Variants in NCAN observed in about 807,000 individuals in gnomAD.
NCAN encodes neurocan, also known as neurocan core protein.
In NCAN, 47 loss-of-function variants were observed where a neutral mutation model predicts 121.8. The observed-to-expected ratio is 0.39, with a 90% CI of 0.31 to 0.49. NCAN has a LOEUF of 0.49. NCAN is among the 20% of genes least tolerant of loss of function. NCAN has a pLI of 0.92. For missense variants in NCAN, 1,517 were observed against 1,773.4 expected (o/e 0.86, Z 2.60); for synonymous variants, 633 against 702.0 (o/e 0.90, Z 1.55).
chr19:19,239,246 C>A (rs943259745), intron 11 of NCAN, among the ~76,000 whole-genome samples: 2 of 151,988 alleles, frequency 1.3e-5, no homozygotes, highest in Non-Finnish European at 2.9e-5. Flanking sequence ...CCATGCCTCA[C>A]CCCCCTAAAA....
rs1029907794 is a variant in NCAN, at chr19:19,219,199, C to T, written c.358C>T (p.Arg120Ter). ...GTCACTGCCTTCCTACCCCCGGCGC[C>T]GAGCCAACGCCACGCTACTTCTGGG... The part of the protein sequence containing the change: ...RVSLPSYPRR[R>*]ANATLLLGPL... The change falls in exon 3 of 15, where the codon CGA becomes TGA. Residue 120 changes from arginine (R) to a stop codon, truncating the protein, a stop_gained. Transcript: ENST00000252575. LOFTEE classifies it high-confidence loss of function. The T allele has an allele frequency of 1.2e-6, 2 of 1,611,006 alleles. No individual in the cohort carries two copies. The highest frequency in any genetic ancestry group is 8.5e-7 in the Non-Finnish European group (1 of 1,179,932).
rs1467561766 is a variant in NCAN, at chr19:19,226,842, C to T, written c.1429C>T (p.Pro477Ser). 5 of 1,613,074 alleles carry T rather than the reference C, an allele frequency of 3.1e-6. No individual in the cohort carries two copies. The Admixed American group carries it at 5.0e-5, about 16-fold the overall frequency. The stretch of plus-strand genomic sequence containing the variant: ...GGAGGTGGCCCCAACTGACCCTATG[C>T]CTAGGAGAAGGGGGCGCTTCAAAGG... Reference protein sequence around the residue: ...HTEVAPTDPMPRRRGRFKGLN... With the variant: ...HTEVAPTDPMSRRRGRFKGLN... The change falls in exon 7 of 15, where the codon CCT becomes TCT. Residue 477 changes from proline to serine, a missense_variant. Transcript: ENST00000252575.
chr19:19,249,909 T>C lies in NCAN; in HGVS notation c.3964T>C (p.Ter1322ArgextTer35). 1 of 1,612,956 alleles carries C rather than the reference T, an allele frequency of 6.2e-7. No homozygotes were observed. The highest frequency in any genetic ancestry group is 1.1e-5 in the South Asian group (1 of 90,924). The change falls in exon 15 of 15, where the codon TGA (stop) becomes CGA (arginine). Residue 1322 changes from the stop codon to arginine (R), a stop_lost. Coordinates refer to ENST00000252575, the MANE Select transcript of NCAN (RefSeq NM_004386.3). ...GGAGAAGGACGAAGGGAATTTCTGC[T>C]GAAGAACCAGAAAAAAGAAAGCACA... ...DWEKDEGNFC* is the reference protein window; with the variant it reads ...DWEKDEGNFCR
Position 19,249,964 on chromosome 19 carries a change from T to G in NCAN, c.*53T>G. 1 of 1,554,356 alleles carries G rather than the reference T, an allele frequency of 6.4e-7. No homozygotes were observed. Among genetic ancestry groups the G allele is most frequent in the Non-Finnish European group, 8.7e-7 (1 of 1,143,148 alleles). On this transcript the variant is annotated 3_prime_UTR_variant, in exon 15 of 15. Coordinates refer to ENST00000252575, the MANE Select transcript of NCAN (RefSeq NM_004386.3). ...CTTTCCCATGCCTCCTCTGGAGCCT[T>G]CGCCTGGGGAGACAGAACCCAGAGA...
chr19:19,236,214 C>T (rs2060880608), intron 10 of NCAN, among the ~76,000 whole-genome samples: 3 of 152,160 alleles, frequency 2.0e-5, no homozygotes, highest in African/African-American at 7.2e-5. Flanking sequence ...CACTAATCTG[C>T]TTTCTGTCTC....
chr19:19,220,328 A>C (rs770160223), intron 3 of NCAN, among the ~76,000 whole-genome samples: 5 of 152,120 alleles, frequency 3.3e-5, no homozygotes, highest in Admixed American at 6.6e-5. Context: ...AGAAATAAAA[A>C]ATTCCTTGTA....
intron 9 of NCAN, among the ~76,000 whole-genome samples, 159 bp downstream of exon 9, chr19:19,234,064 C>G (rs1014324023): frequency 5.9e-5 from 9 of 152,134 alleles, no homozygotes; most frequent in African/African-American, 2.2e-4. Flanking sequence ...CTAAATCAGC[C>G]CAGTTAGTGG....
At chr19:19,230,593 GT>G (rs143630349) in intron 8 of NCAN, among the ~76,000 whole-genome samples, 5,967 of 151,374 alleles carry the variant, frequency 0.039, 195 homozygotes, top group East Asian at 0.13. Context: ...TATAGACAGG[GT>G]TTTGCCATGT....
At chr19:19,231,037 C>T (rs952747578) in intron 8 of NCAN, among the ~76,000 whole-genome samples, 9 of 151,876 alleles carry the variant, frequency 5.9e-5, no homozygotes, top group African/African-American at 7.3e-5. Context: ...TGAGCCGTAG[C>T]GCCGGGCAGT....
At chr19:19,249,729 T>G in intron 14 of NCAN, 37 bp from the exon 15 acceptor site, 1 of 1,564,694 alleles carries the variant, frequency 6.4e-7, no homozygotes, top group South Asian at 1.2e-5. Context: ...TCTCACCACC[T>G]TTTGTCCCTT....
Position 19,224,974 on chromosome 19 carries a change from C to T in NCAN, c.779-3C>T. 1.4e-6 allele frequency: 2 copies of T among 1,430,224 alleles called. No individual in the cohort carries two copies. The highest frequency in any genetic ancestry group is 1.4e-5 in the South Asian group (1 of 69,306). 88.6% of individuals were successfully genotyped at this position (1,430,224 alleles called of 1,614,324 possible). On this transcript the variant is annotated splice_polypyrimidine_tract_variant and splice_region_variant and intron_variant, in intron 5 of 14. Coordinates refer to ENST00000252575, the MANE Select transcript of NCAN (RefSeq NM_004386.3). ...CCCTGACCTCCACCCGCCCCTCCCGCAGGCGAGGTCTTCTACGTGGGCCCG... is the reference window on the plus strand; with the variant it reads ...CCCTGACCTCCACCCGCCCCTCCCGTAGGCGAGGTCTTCTACGTGGGCCCG...
At chr19:19,214,283 C>A (rs375605941) in intron 1 of NCAN, among the ~76,000 whole-genome samples, 5 of 152,188 alleles carry the variant, frequency 3.3e-5, no homozygotes, top group African/African-American at 1.2e-4. Flanking sequence ...CAGCACCCCG[C>A]AGGCCCCTGC....
At chr19:19,213,856 C>T (rs1306394893) in intron 1 of NCAN, among the ~76,000 whole-genome samples, 1 of 152,126 alleles carries the variant, frequency 6.6e-6, no homozygotes, top group African/African-American at 2.4e-5. Context: ...TTCTCCTCCA[C>T]GGAGTTCCAC....
In NCAN at chr19:19,212,191, G is replaced by GT. The variant is rs1396625359; in HGVS notation, c.-8+127_-8+128insT. The GT allele has an allele frequency of 6.5e-6, 1 of 154,504 alleles. No individual in the cohort carries two copies. The highest frequency in any genetic ancestry group is 1.5e-5 in the Non-Finnish European group (1 of 68,442). The allele number at this position is 154,504 out of a possible 1,614,324, so 9.6% of individuals were successfully genotyped here. A position where few individuals can be genotyped will look rare whatever the true frequency, so the allele number is the denominator to read the frequency against. On this transcript the variant is annotated intron_variant, in intron 1 of 14. Coordinates refer to ENST00000252575, the MANE Select transcript of NCAN (RefSeq NM_004386.3). This position sits in a 1 kb window ranked among gnomAD's most constrained non-coding sequence, Gnocchi z 4.5. ...GAATGGGGAGGGGGCTGAAGCGGGG[G>GT]AGGGGAGCCCTAGGTTGAGGAGGGA...
At chr19:19,231,876 G>T (rs763074861) in intron 8 of NCAN, among the ~76,000 whole-genome samples, 6 of 151,910 alleles carry the variant, frequency 3.9e-5, no homozygotes, top group East Asian at 2.0e-4. Context: ...CTACTCAGGG[G>T]TGCTGAGGTG....
intron 10 of NCAN, among the ~76,000 whole-genome samples, chr19:19,237,511 T>A (rs1173876301): frequency 6.6e-6 from 1 of 151,564 alleles, no homozygotes; most frequent in Non-Finnish European, 1.5e-5. Context: ...ATTTTATATA[T>A]ATATATCTCC....
intron 13 of NCAN, among the ~76,000 whole-genome samples, chr19:19,248,401 C>T (rs982239541): frequency 5.3e-5 from 8 of 151,528 alleles, no homozygotes; most frequent in Non-Finnish European, 8.8e-5. Flanking sequence ...GCCGAGATCA[C>T]GCCACTGCAC....
intron 11 of NCAN, 36 bp downstream of exon 11, chr19:19,238,447 G>A (rs1409540109): frequency 6.2e-7 from 1 of 1,612,794 alleles, no homozygotes; most frequent in Admixed American, 1.7e-5. Flanking sequence ...CTGCCTGGAG[G>A]GTGGGCAGGG....
intron 13 of NCAN, among the ~76,000 whole-genome samples, chr19:19,245,963 T>G (rs895729929): frequency 3.3e-5 from 5 of 151,892 alleles, no homozygotes; most frequent in Admixed American, 3.3e-4. Context: ...GGCTCATGCC[T>G]GTAATCCCAA....
Sources: gnomAD v4.1 joint callset for allele counts (sites outside exome capture counted in the v4.1 genomes callset) on GRCh38, gnomAD v4.1.1 for gene constraint, Gnocchi (gnomAD v3.1) non-coding constraint, MANE v1.5 for transcripts, NCBI Gene and HGNC (gene_info 2026-07-23, HGNC 2026-07-21) for gene names.